The following CSMD2 variants were observed in gnomAD, a reference collection of about 807,000 sequenced individuals.
CSMD2 encodes CUB and Sushi multiple domains 2, also known as CUB and sushi domain-containing protein 2.
In CSMD2, 130 loss-of-function variants were observed where a neutral mutation model predicts 398.5. The observed-to-expected ratio is 0.33, with a 90% CI of 0.28 to 0.38. The LOEUF (loss-of-function observed/expected upper bound fraction) is 0.38, where lower values mean the gene tolerates loss of function less well. CSMD2 is among the 10% of genes least tolerant of loss of function. The pLI, the probability that CSMD2 is intolerant of heterozygous loss-of-function variation, is 1.00. For missense variants in CSMD2, 3,829 were observed against 4,764.9 expected, an observed-to-expected ratio of 0.80 and a Z score of 5.78; for synonymous variants, 1,828 against 1,908.5, an observed-to-expected ratio of 0.96 and a Z score of 1.10.
intron 7 of CSMD2, among the ~76,000 whole-genome samples, chr1:33,823,286 G>A (rs1044806120): frequency 6.6e-6 from 1 of 152,214 alleles, no homozygotes; most frequent in African/African-American, 2.4e-5. Context: ...AGCAGGGGAT[G>A]GTGGTCCCAC....
chr1:34,083,621 T>C (rs2148346909), intron 2 of CSMD2, among the ~76,000 whole-genome samples: 1 of 152,212 alleles, frequency 6.6e-6, no homozygotes, highest in East Asian at 1.9e-4. Flanking sequence ...AAGACTTAAA[T>C]GACACACTAG....
chr1:33,546,733 T>C (rs1467761816), intron 56 of CSMD2, among the ~76,000 whole-genome samples: 3 of 152,028 alleles, frequency 2.0e-5, no homozygotes, highest in Non-Finnish European at 4.4e-5. Context: ...TCTGACCTTT[T>C]TTTTTTTCAA....
rs1365217221 is a variant in CSMD2 at position 33,633,233 on chromosome 1, T to G, written c.5200+189A>C. 6.6e-6 allele frequency among the ~76,000 whole-genome samples: 1 copy of G among 152,138 alleles called. No individual in the cohort carries two copies. Among genetic ancestry groups the G allele is most frequent in the African/African-American group, 2.4e-5 (1 of 41,424 alleles). ...ACACAGTCTGGGTGAGGGCAGCTGC[T>G]GAAGGCCCCGCTAGTTGGAGCTCTC... On this transcript the variant is annotated intron_variant, in intron 32 of 70. Coordinates refer to ENST00000373381, the MANE Select transcript of CSMD2 (RefSeq NM_001281956.2). The surrounding 1 kb of genome is among the most constrained non-coding windows in gnomAD (Gnocchi z 5.0).
At chr1:34,030,253 A>G (rs777387843) in intron 3 of CSMD2, among the ~76,000 whole-genome samples, 1 of 152,198 alleles carries the variant, frequency 6.6e-6, no homozygotes, top group Non-Finnish European at 1.5e-5. Flanking sequence ...TGGCTACTGT[A>G]TTGGACAATA....
chr1:34,145,960 C>G (rs915544533), intron 1 of CSMD2, among the ~76,000 whole-genome samples: 1 of 152,218 alleles, frequency 6.6e-6, no homozygotes, highest in Non-Finnish European at 1.5e-5. Flanking sequence ...GTGCTCCATT[C>G]TCAAGATTTA....
chr1:33,550,377 T>C (rs1376178171), intron 55 of CSMD2, 27 bp from the exon 56 acceptor site: 2 of 1,607,378 alleles, frequency 1.2e-6, no homozygotes, highest in Admixed American at 3.3e-5. Context: ...AACATCTCAA[T>C]GACTCTGCAC....
chr1:34,163,829 G>C lies in CSMD2; in HGVS notation c.187+1082C>G, dbSNP rs1641585446. 6.6e-6 allele frequency among the ~76,000 whole-genome samples: 1 copy of C among 152,092 alleles called. No individual in the cohort carries two copies. The highest frequency in any genetic ancestry group is 1.5e-5 in the Non-Finnish European group (1 of 68,008). On this transcript the variant is annotated intron_variant, in intron 1 of 70. Transcript: ENST00000373381. This position sits in a 1 kb window ranked among gnomAD's most constrained non-coding sequence, Gnocchi z 5.4. ...TGGACCCGTCTCCACCCGGGCACACGGAACTTTCTAGCTTGTAGCTAGAAC... is the reference window on the plus strand; with the variant it reads ...TGGACCCGTCTCCACCCGGGCACACCGAACTTTCTAGCTTGTAGCTAGAAC...
At chr1:33,836,311 G>C (rs1190158392) in intron 6 of CSMD2, among the ~76,000 whole-genome samples, 2 of 151,230 alleles carry the variant, frequency 1.3e-5, no homozygotes, top group African/African-American at 4.8e-5. Context: ...TCGGGGGTCA[G>C]GTTCCCACTT....
At chr1:34,026,445 C>T (rs1419613658) in intron 3 of CSMD2, among the ~76,000 whole-genome samples, 1 of 152,204 alleles carries the variant, frequency 6.6e-6, no homozygotes, top group Non-Finnish European at 1.5e-5. Flanking sequence ...ATGTCCAGAT[C>T]ACAGTTAGAC....
chr1:34,140,919 C>G (rs999541243), intron 1 of CSMD2, among the ~76,000 whole-genome samples: 6 of 152,104 alleles, frequency 3.9e-5, no homozygotes, highest in African/African-American at 1.2e-4. Flanking sequence ...CCTTTCCCCT[C>G]CTCTACAACC....
intron 3 of CSMD2, among the ~76,000 whole-genome samples, chr1:33,997,220 C>A (rs1342223784): frequency 6.6e-6 from 1 of 152,154 alleles, no homozygotes; most frequent in Non-Finnish European, 1.5e-5. Flanking sequence ...ACAGGAAGGA[C>A]TTGGAGAGCT....
chr1:33,898,104 C>T (rs909053382), intron 5 of CSMD2, among the ~76,000 whole-genome samples: 2 of 152,166 alleles, frequency 1.3e-5, no homozygotes, highest in African/African-American at 4.8e-5. Context: ...GTCACACAGA[C>T]ATTACATGGC....
At chr1:33,802,326 T>A (rs749042783) in intron 10 of CSMD2, among the ~76,000 whole-genome samples, 36 of 152,218 alleles carry the variant, frequency 2.4e-4, no homozygotes, top group Admixed American at 8.5e-4. Context: ...TCCTAGTTTA[T>A]TGAGTACAGA....
At chr1:34,063,950 A>G (rs1298449644) in intron 2 of CSMD2, among the ~76,000 whole-genome samples, 3 of 152,232 alleles carry the variant, frequency 2.0e-5, no homozygotes, top group Non-Finnish European at 2.9e-5. Flanking sequence ...GGAAGCTGCC[A>G]AGGCTTGGGG....
In CSMD2 at chr1:33,622,328, T is replaced by C. The variant is rs1375000988; in HGVS notation, c.5723-57A>G. On this transcript the variant is annotated intron_variant, in intron 36 of 70. Transcript: ENST00000373381. ...AGTTTGGCTCCTCCAGGCCCTTGCA[T>C]TCCTCCCCATTCCTCTGGATTTTGC... 5.0e-6 allele frequency: 6 copies of C among 1,205,174 alleles called. No homozygotes were observed. The African/African-American group carries it at 7.5e-5, about 15-fold the overall frequency. The allele number at this position is 1,205,174 out of a possible 1,614,324, so 74.7% of individuals were successfully genotyped here.
At chr1:33,798,071 T>C (rs1424873531) in intron 10 of CSMD2, among the ~76,000 whole-genome samples, 1 of 152,214 alleles carries the variant, frequency 6.6e-6, no homozygotes. Context: ...CACAATGTAC[T>C]AGCACTCTCT....
chr1:34,076,932 T>A (rs71647961), intron 2 of CSMD2, among the ~76,000 whole-genome samples: 7,208 of 40,348 alleles, frequency 0.18, 547 homozygotes, highest in East Asian at 0.22. Flanking sequence ...AAAAAAAATA[T>A]ATATATATAT....
chr1:33,517,010 CTTT>C (rs1186263487), intron 70 of CSMD2, among the ~76,000 whole-genome samples: 1 of 151,716 alleles, frequency 6.6e-6, no homozygotes, highest in South Asian at 2.1e-4. Context: ...ATTTTTGATA[CTTT>C]TTTTTAATGG....
At position 33,583,679 on chromosome 1, in the gene CSMD2, G is replaced by C; in HGVS notation, c.7203C>G (p.Leu2401=). 1.2e-6 allele frequency: 2 copies of C among 1,614,172 alleles called. No individual in the cohort carries two copies. Among genetic ancestry groups the C allele is most frequent in the Non-Finnish European group, 1.7e-6 (2 of 1,180,018 alleles). Residue 2401 remains leucine (L), a synonymous_variant, in exon 47 of 71, where the codon CTC becomes CTG. Transcript: ENST00000373381. ...CAAACTCATCATATTGCTTCTCGCTGAGGAAGTACTCCACTGTGAGGGAGA... is the reference window on the plus strand; with the variant it reads ...CAAACTCATCATATTGCTTCTCGCTCAGGAAGTACTCCACTGTGAGGGAGA... ...YNISLTVEYF[L]SEKQYDEFEI... is the part of the protein sequence containing the mutation.
Sources: gnomAD v4.1 joint callset for allele counts (sites outside exome capture counted in the v4.1 genomes callset) on GRCh38, gnomAD v4.1.1 for gene constraint, Gnocchi (gnomAD v3.1) non-coding constraint, MANE v1.5 for transcripts, NCBI Gene and HGNC (gene_info 2026-07-23, HGNC 2026-07-21) for gene names.